Variants in RAC1 observed in about 807,000 individuals in gnomAD.
RAC1 encodes ras-related C3 botulinum toxin substrate 1.
RAC1 carries 2 observed loss-of-function variants against 25.2 expected under a neutral mutation model. That is an observed-to-expected ratio of 0.08 (90% confidence interval 0.03 to 0.25). The LOEUF (loss-of-function observed/expected upper bound fraction) is 0.25. Ranked by LOEUF, RAC1 falls within the 10% of genes least tolerant of loss-of-function variation. The pLI, the probability that RAC1 is intolerant of heterozygous loss-of-function variation, is 1.00. For missense variants in RAC1, 50 were observed against 235.7 expected (o/e 0.21, Z 5.16); for synonymous variants, 88 against 94.0 (o/e 0.94, Z 0.37).
intron 5 of RAC1, 94 bp from the exon 6 acceptor site, chr7:6,402,222 G>C: frequency 6.6e-7 from 1 of 1,511,042 alleles, no homozygotes. Context: ...GCCGGCAGAA[G>C]GCGCCCGGGC....
At position 6,401,983 on chromosome 7, in the gene RAC1, C is replaced by G. The variant is rs11540455; in HGVS notation, c.404C>G (p.Thr135Ser). ...TIEKLKEKKL[T>S]PITYPQGLAM... ...GAGAAACTGAAGGAGAAGAAGCTGA[C>G]TCCCATCACCTATCCGCAGGGTCTA... The change falls in exon 5 of 6, where the codon ACT (threonine) becomes AGT (serine). Residue 135 changes from threonine to serine, a missense_variant. Coordinates refer to ENST00000348035, the MANE Select transcript of RAC1 (RefSeq NM_006908.5). 4 of 1,614,180 alleles carry G rather than the reference C, an allele frequency of 2.5e-6. No individual in the cohort carries two copies. In the South Asian group the frequency reaches 4.4e-5, roughly 18 times the overall value.
At chr7:6,389,791 G>A (rs953775477) in intron 2 of RAC1, among the ~76,000 whole-genome samples, 11 of 152,190 alleles carry the variant, frequency 7.2e-5, no homozygotes, top group Non-Finnish European at 1.3e-4. Context: ...CTCCCGAAGT[G>A]TTGGGATTAC....
intron 1 of RAC1, among the ~76,000 whole-genome samples, chr7:6,379,200 C>G (rs1297728655): frequency 1.3e-5 from 2 of 150,954 alleles, no homozygotes; most frequent in Non-Finnish European, 2.9e-5. Context: ...CTCCTGGGTT[C>G]AAGTGATTCT....
intron 2 of RAC1, among the ~76,000 whole-genome samples, chr7:6,391,252 C>G (rs1783085235): frequency 2.7e-5 from 4 of 150,494 alleles, no homozygotes; most frequent in Admixed American, 6.6e-5. Flanking sequence ...CCTTCCTGTG[C>G]AGAGGAAACA....
At chr7:6,389,015 A>T (rs1446973441) in intron 2 of RAC1, among the ~76,000 whole-genome samples, 1 of 151,408 alleles carries the variant, frequency 6.6e-6, no homozygotes, top group African/African-American at 2.4e-5. Flanking sequence ...AACCTGGCCA[A>T]CATGTTAAAA....
intron 2 of RAC1, among the ~76,000 whole-genome samples, chr7:6,388,059 G>T (rs1289950056): frequency 6.6e-6 from 1 of 152,142 alleles, no homozygotes; most frequent in East Asian, 1.9e-4. Flanking sequence ...GGGTGTGTGT[G>T]TTGAAGGGGG....
intron 2 of RAC1, among the ~76,000 whole-genome samples, 173 bp downstream of exon 2, chr7:6,387,456 C>CT (rs1782955382): frequency 6.6e-6 from 1 of 152,070 alleles, no homozygotes; most frequent in Admixed American, 6.6e-5. Context: ...AAAAATAGGG[C>CT]TGGGGGTGGT....
Position 6,402,501 on chromosome 7 carries a change from TCAAAAAAAAACA to T in RAC1, c.*56_*67del. On this transcript the variant is annotated 3_prime_UTR_variant, in exon 6 of 6. Transcript: ENST00000348035. ...CCCTTGGAACCTTTGTACGCTTTGCTCAAAAAAAAACAAAAAAAAAAAACAAAAAAAAAAAAC... is the reference window on the plus strand; with the variant it reads ...CCCTTGGAACCTTTGTACGCTTTGCTAAAAAAAAAAACAAAAAAAAAAAAC... 7.1e-6 allele frequency: 1 copy of T among 141,040 alleles called. No individual in the cohort carries two copies. The highest frequency in any genetic ancestry group is 8.8e-6 in the Non-Finnish European group (1 of 113,992). 8.7% of individuals were successfully genotyped at this position (141,040 alleles called of 1,614,324 possible).
At chr7:6,401,708 C>A in intron 4 of RAC1, 160 bp from the exon 5 acceptor site, 1 of 647,880 alleles carries the variant, frequency 1.5e-6, no homozygotes, top group Non-Finnish European at 2.6e-6. Flanking sequence ...TTCCTTATGG[C>A]TCAAGGCTTG....
intron 1 of RAC1, among the ~76,000 whole-genome samples, chr7:6,384,014 C>T (rs1024206025): frequency 2.6e-5 from 4 of 151,786 alleles, no homozygotes; most frequent in East Asian, 1.9e-4. Context: ...AGGCTCTTCT[C>T]GAATTCCTGA....
chr7:6,399,823 G>T, intron 3 of RAC1: 1 of 358,272 alleles, frequency 2.8e-6, no homozygotes, highest in Non-Finnish European at 5.1e-6. Context: ...TTTCATTTTA[G>T]ATAGTTAGGC....
At chr7:6,386,597 C>A (rs1306615234) in intron 1 of RAC1, among the ~76,000 whole-genome samples, 2 of 151,908 alleles carry the variant, frequency 1.3e-5, no homozygotes, top group African/African-American at 2.4e-5. Flanking sequence ...GCCTGGCCAA[C>A]ATGGCGAAAA....
At chr7:6,378,087 G>C (rs144307127) in intron 1 of RAC1, among the ~76,000 whole-genome samples, 7 of 152,182 alleles carry the variant, frequency 4.6e-5, no homozygotes, top group African/African-American at 1.7e-4. Flanking sequence ...GGATGGTTCT[G>C]TCTTATCATT....
intron 1 of RAC1, among the ~76,000 whole-genome samples, chr7:6,375,312 A>G (rs1782552769): frequency 1.3e-5 from 2 of 151,200 alleles, no homozygotes; most frequent in African/African-American, 2.4e-5. Flanking sequence ...CCGGTCTCGA[A>G]CTCCTGGGTT....
At chr7:6,381,963 A>T (rs34884077) in intron 1 of RAC1, among the ~76,000 whole-genome samples, 1 of 151,906 alleles carries the variant, frequency 6.6e-6, no homozygotes, top group East Asian at 1.9e-4. Flanking sequence ...CAGTTACTAA[A>T]TTCTACTGCC....
At chr7:6,385,718 C>T (rs1488807197) in intron 1 of RAC1, among the ~76,000 whole-genome samples, 1 of 152,062 alleles carries the variant, frequency 6.6e-6, no homozygotes, top group South Asian at 2.1e-4. Context: ...CTGTAATCTG[C>T]CTTGAGTGTG....
chr7:6,380,016 A>G (rs1013144572), intron 1 of RAC1, among the ~76,000 whole-genome samples: 2 of 152,242 alleles, frequency 1.3e-5, no homozygotes, highest in Non-Finnish European at 1.5e-5. Flanking sequence ...AGTGGAGTCC[A>G]GATTGGGCTA....
At chr7:6,383,389 C>T (rs1184732261) in intron 1 of RAC1, among the ~76,000 whole-genome samples, 3 of 151,726 alleles carry the variant, frequency 2.0e-5, no homozygotes, top group African/African-American at 7.3e-5. Flanking sequence ...AAAGAGGAGT[C>T]GATTTTATCT....
At chr7:6,391,478 C>T (rs2115200543) in intron 2 of RAC1, 1 of 183,012 alleles carries the variant, frequency 5.5e-6, no homozygotes, top group East Asian at 1.5e-4. Context: ...TGTGTGACTG[C>T]TCTACACTCA....
Sources: allele counts gnomAD v4.1 joint callset (sites outside exome capture counted in the v4.1 genomes callset), GRCh38; gene constraint gnomAD v4.1.1; transcripts MANE v1.5; gene names NCBI Gene and HGNC (gene_info 2026-07-23, HGNC 2026-07-21).